The following SLC2A11 variants were observed in gnomAD, a reference collection of about 807,000 sequenced individuals.
SLC2A11 encodes solute carrier family 2, facilitated glucose transporter member 11.
Under a neutral mutation model 52.1 loss-of-function variants are expected in SLC2A11, and 43 were observed. That is an observed-to-expected ratio of 0.82 (90% CI 0.65 to 1.06). The LOEUF (loss-of-function observed/expected upper bound fraction) is 1.06, where lower values mean the gene tolerates loss of function less well. Among genes scored for constraint, SLC2A11 ranks in the 50% least tolerant of loss-of-function variants. The probability of loss-of-function intolerance (pLI) is 0.00; values close to 1 mark genes in which losing one functional copy is unlikely to be tolerated. For missense variants in SLC2A11, 582 were observed against 654.2 expected (o/e 0.89, Z 1.20); for synonymous variants, 261 against 277.6 (o/e 0.94, Z 0.59).
chr22:23,874,454 T>C (rs1312302738), intron 3 of SLC2A11, among the ~76,000 whole-genome samples: 1 of 47,114 alleles, frequency 2.1e-5, no homozygotes, highest in African/African-American at 1.1e-4. Context: ...GCATGGCTAA[T>C]TTTTTTTTTT....
intron 3 of SLC2A11, chr22:23,869,985 A>T (rs983729908): frequency 1.4e-5 from 10 of 717,398 alleles, no homozygotes; most frequent in African/African-American, 1.2e-4. Context: ...TGGAGTTCTC[A>T]TGGCCTAATC....
rs761473439 is a variant in SLC2A11 at position 23,884,354 on chromosome 22, T to A, written c.1224T>A (p.Pro408=). 1 of 1,614,048 alleles carries A rather than the reference T, an allele frequency of 6.2e-7. No homozygotes were observed. Among genetic ancestry groups the A allele is most frequent in the Admixed American group, 1.7e-5 (1 of 60,018 alleles). Residue 408 remains proline (P), a synonymous_variant, in exon 11 of 12, where the codon CCT becomes CCA. Transcript: ENST00000316185. The surrounding 1 kb of genome is among the most constrained non-coding windows in gnomAD (Gnocchi z 4.3). ...ATELFDQMAR[P]AACMVCGALM... ...AGCTGTTTGACCAGATGGCCAGGCC[T>A]GCTGCCTGCATGGTCTGCGGGGCGC...
intron 5 of SLC2A11, 34 bp downstream of exon 5, chr22:23,877,205 T>C: frequency 6.3e-7 from 1 of 1,587,238 alleles, no homozygotes. Flanking sequence ...ATTGAGTATT[T>C]CGGAGATACC....
In SLC2A11 at chr22:23,884,538, G is replaced by A. The variant is rs2032937547; in HGVS notation, c.1299+109G>A. 1.3e-6 allele frequency: 2 copies of A among 1,550,920 alleles called. No individual in the cohort carries two copies. Among genetic ancestry groups the A allele is most frequent in the Non-Finnish European group, 8.7e-7 (1 of 1,147,396 alleles). ...GGGAGACTGAGACTGAAAGGGAGGG[G>A]TCTTAGGGGAGCAAAGAGGGGGGCA... On this transcript the variant is annotated intron_variant, in intron 11 of 11. Coordinates refer to ENST00000316185, the MANE Select transcript of SLC2A11 (RefSeq NM_001024939.4). The surrounding 1 kb of genome is among the most constrained non-coding windows in gnomAD (Gnocchi z 4.3).
intron 2 of SLC2A11, chr22:23,868,117 T>C (rs1425948575): frequency 9.3e-6 from 3 of 322,350 alleles, no homozygotes; most frequent in South Asian, 6.8e-5. Context: ...GATTACATTG[T>C]AGTACACCCA....
chr22:23,868,225 G>A (rs562712460), intron 2 of SLC2A11: 19 of 527,232 alleles, frequency 3.6e-5, no homozygotes, highest in Non-Finnish European at 4.7e-5. Context: ...TAGTGTTTTC[G>A]CAGAGAGGGG....
chr22:23,857,290 G>C, upstream of SLC2A11: 3 of 862,960 alleles, frequency 3.5e-6, no homozygotes, highest in Non-Finnish European at 5.5e-6. Context: ...AGGGGGACGA[G>C]GGGCCAGAGC....
At chr22:23,875,009 T>G in intron 3 of SLC2A11, 108 bp from the exon 4 acceptor site, 2 of 1,268,184 alleles carry the variant, frequency 1.6e-6, no homozygotes, top group Non-Finnish European at 2.1e-6. Flanking sequence ...CATACATTTG[T>G]GTGTGTGTCT....
chr22:23,864,678 G>A (rs775505412), intron 2 of SLC2A11, among the ~76,000 whole-genome samples: 127 of 152,246 alleles, frequency 8.3e-4, no homozygotes, highest in Admixed American at 2.7e-3. Context: ...ACTAGAGAGG[G>A]GTCCATCCCA....
At chr22:23,857,752 A>G (rs1016251161), upstream of SLC2A11, 20 of 1,349,692 alleles carry the variant, frequency 1.5e-5, no homozygotes, top group Non-Finnish European at 1.7e-5. Context: ...AGTCCCGGCC[A>G]TCGTTTAGCG....
Position 23,884,921 on chromosome 22 carries a change from C to A in SLC2A11, c.*72C>A. ...TGCTTCCTGCCAGGGCCCTGGTCCTCACTCCCTCCTGCATTCCTCATTTAA... is the reference window on the plus strand; with the variant it reads ...TGCTTCCTGCCAGGGCCCTGGTCCTAACTCCCTCCTGCATTCCTCATTTAA... On this transcript the variant is annotated 3_prime_UTR_variant, in exon 12 of 12. Transcript: ENST00000316185. This position sits in a 1 kb window ranked among gnomAD's most constrained non-coding sequence, Gnocchi z 4.3. 1 of 1,296,066 alleles carries A rather than the reference C, an allele frequency of 7.7e-7. No individual in the cohort carries two copies. The highest frequency in any genetic ancestry group is 1.9e-5 in the Admixed American group (1 of 52,034). 80.3% of individuals were successfully genotyped at this position (1,296,066 alleles called of 1,614,324 possible). A position where few individuals can be genotyped will look rare whatever the true frequency, so the allele number is the denominator to read the frequency against.
rs2032985294 is a variant in SLC2A11, at chr22:23,886,001, C to A, written c.*1152C>A. Reference sequence around the variant, plus strand: ...ACATGCCCATTTGCTATCAGTAACCCACCCCAGTCCCAGACCTGGGGAACC... The same window carrying A: ...ACATGCCCATTTGCTATCAGTAACCAACCCCAGTCCCAGACCTGGGGAACC... On this transcript the variant is annotated 3_prime_UTR_variant, in exon 12 of 12. Coordinates refer to ENST00000316185, the MANE Select transcript of SLC2A11 (RefSeq NM_001024939.4). 1 of 152,182 alleles carries A rather than the reference C, an allele frequency of 6.6e-6. No homozygotes were observed. The highest frequency in any genetic ancestry group is 2.1e-4 in the South Asian group (1 of 4,824). The allele number at this position is 152,182 out of a possible 1,614,324, so 9.4% of individuals were successfully genotyped here. A position where few individuals can be genotyped will look rare whatever the true frequency, so the allele number is the denominator to read the frequency against.
In SLC2A11 at chr22:23,875,109, C is replaced by A; in HGVS notation, c.291-8C>A. On this transcript the variant is annotated splice_region_variant and splice_polypyrimidine_tract_variant and intron_variant, in intron 3 of 11. Transcript: ENST00000316185. ...GCCTCTCTTTCTGTGTGTTTCACTT[C>A]CCCCAAGGAAGAAGTCCCTCCTGGT... 6.4e-7 allele frequency: 1 copy of A among 1,565,024 alleles called. No individual in the cohort carries two copies. Among genetic ancestry groups the A allele is most frequent in the Non-Finnish European group, 8.7e-7 (1 of 1,154,526 alleles).
rs575002397 is a variant in SLC2A11 at position 23,884,131 on chromosome 22, C to G, written c.1171+107C>G. The stretch of plus-strand genomic sequence containing the variant: ...GAATGCAATGTCCCCTGCAGGCCCT[C>G]AGAGACCACCTCATGCCGGGGCTTC... On this transcript the variant is annotated intron_variant, in intron 10 of 11. Coordinates refer to ENST00000316185, the MANE Select transcript of SLC2A11 (RefSeq NM_001024939.4). This position sits in a 1 kb window ranked among gnomAD's most constrained non-coding sequence, Gnocchi z 4.3. 1 of 1,513,838 alleles carries G rather than the reference C, an allele frequency of 6.6e-7. No homozygotes were observed. Among genetic ancestry groups the G allele is most frequent in the African/African-American group, 1.4e-5 (1 of 71,484 alleles). The allele number at this position is 1,513,838 out of a possible 1,614,324, so 93.8% of individuals were successfully genotyped here.
At chr22:23,861,225 G>T (rs1004592987) in intron 1 of SLC2A11, among the ~76,000 whole-genome samples, 1 of 132,766 alleles carries the variant, frequency 7.5e-6, no homozygotes, top group African/African-American at 2.9e-5. Flanking sequence ...TGATCCACCC[G>T]CCTCGGCCTC....
At chr22:23,883,033 G>C in intron 8 of SLC2A11, 164 bp downstream of exon 8, 1 of 720,410 alleles carries the variant, frequency 1.4e-6, no homozygotes, top group Non-Finnish European at 2.5e-6. Flanking sequence ...GGCCGAGGTG[G>C]GTGGATCACA....
chr22:23,875,378 A>G lies in SLC2A11; in HGVS notation c.415+137A>G, dbSNP rs556071634. 5.7e-6 allele frequency: 6 copies of G among 1,045,548 alleles called. No homozygotes were observed. In the African/African-American group the frequency reaches 9.9e-5, roughly 17 times the overall value. 64.8% of individuals were successfully genotyped at this position (1,045,548 alleles called of 1,614,324 possible). A position where few individuals can be genotyped will look rare whatever the true frequency, so the allele number is the denominator to read the frequency against. On this transcript the variant is annotated intron_variant, in intron 4 of 11. Coordinates refer to ENST00000316185, the MANE Select transcript of SLC2A11 (RefSeq NM_001024939.4). ...TTTTTTATTTATGCCTACCTTTGTC[A>G]CAAAAGGATGTAGTATAGTTTATCT...
At chr22:23,877,254 A>T (rs2032646798) in intron 5 of SLC2A11, 83 bp downstream of exon 5, 2 of 1,565,882 alleles carry the variant, frequency 1.3e-6, no homozygotes, top group Non-Finnish European at 1.7e-6. Context: ...TCCCCTACCC[A>T]CTAGTAGATT....
At chr22:23,863,390 G>A (rs1243706385) in intron 2 of SLC2A11, among the ~76,000 whole-genome samples, 1 of 152,124 alleles carries the variant, frequency 6.6e-6, no homozygotes, top group Non-Finnish European at 1.5e-5. Flanking sequence ...AGCCTGGCCC[G>A]AGCCAATGTT....
Sources: allele counts gnomAD v4.1 joint callset (sites outside exome capture counted in the v4.1 genomes callset), GRCh38; gene constraint gnomAD v4.1.1; non-coding constraint Gnocchi (gnomAD v3.1); transcripts MANE v1.5; gene names NCBI Gene and HGNC (gene_info 2026-07-23, HGNC 2026-07-21).